PHLPP2: variants seen among roughly 807,000 people sequenced by gnomAD.
The protein encoded by PHLPP2 is PH domain and leucine rich repeat protein phosphatase 2.
A neutral mutation model predicts 124.9 loss-of-function variants in PHLPP2; 66 were observed. That is an observed-to-expected ratio of 0.53 (90% CI 0.43 to 0.65). The LOEUF (loss-of-function observed/expected upper bound fraction) is 0.65, where lower values mean the gene tolerates loss of function less well. Ranked by LOEUF, PHLPP2 falls within the 30% of genes least tolerant of loss-of-function variation. The pLI, the probability that PHLPP2 is intolerant of heterozygous loss-of-function variation, is 0.00. For missense variants in PHLPP2, 1,685 were observed against 1,600.4 expected (o/e 1.05, Z -0.90); for synonymous variants, 681 against 624.7 (o/e 1.09, Z -1.34).
At chr16:71,719,482 G>T (rs1367111371) in intron 1 of PHLPP2, among the ~76,000 whole-genome samples, 2 of 152,226 alleles carry the variant, frequency 1.3e-5, no homozygotes, top group Non-Finnish European at 2.9e-5. Context: ...GGAGACTGCA[G>T]TGAGCGGAGA....
intron 4 of PHLPP2, among the ~76,000 whole-genome samples, chr16:71,686,329 T>C (rs1186084418): frequency 6.6e-6 from 1 of 152,072 alleles, no homozygotes; most frequent in Admixed American, 6.6e-5. Flanking sequence ...TCTGCCATTG[T>C]TCCTGGCTAA....
intron 3 of PHLPP2, among the ~76,000 whole-genome samples, chr16:71,693,229 G>A (rs2045133280): frequency 6.6e-6 from 1 of 152,194 alleles, no homozygotes. Flanking sequence ...GGAGGTTGCA[G>A]TGAGCTGAGA....
At chr16:71,720,887 AAC>A (rs1555549772) in intron 1 of PHLPP2, among the ~76,000 whole-genome samples, 5 of 152,186 alleles carry the variant, frequency 3.3e-5, no homozygotes, top group Admixed American at 6.5e-5. Context: ...AAAAAAAAAA[AAC>A]AATGTGAAAT....
intron 3 of PHLPP2, among the ~76,000 whole-genome samples, chr16:71,693,278 C>G (rs889228050): frequency 1.1e-4 from 17 of 152,098 alleles, no homozygotes; most frequent in African/African-American, 4.1e-4. Context: ...CAAAGCGAGA[C>G]TCTGTCTCAC....
intron 1 of PHLPP2, chr16:71,715,674 A>G (rs918783953): frequency 2.0e-5 from 3 of 151,240 alleles, no homozygotes; most frequent in Non-Finnish European, 4.4e-5. Context: ...GCAAGACTCC[A>G]TCTCAAAAAA....
rs2044711171 is a variant in PHLPP2 at position 71,653,269 on chromosome 16, T to C, written c.2586-248A>G. 3.9e-5 allele frequency among the ~76,000 whole-genome samples: 6 copies of C among 152,172 alleles called. No homozygotes were observed. In the South Asian group the frequency reaches 1.2e-3, roughly 32 times the overall value. ...AATCTCCCTTTTGCATCTTTCTCCA[T>C]AGCTTTTGTGTCTGATCAAAGACTT... On this transcript the variant is annotated intron_variant, in intron 17 of 18. Coordinates refer to ENST00000568954, the MANE Select transcript of PHLPP2 (RefSeq NM_015020.3).
At chr16:71,698,453 C>T (rs2045196292) in intron 3 of PHLPP2, 1 of 745,998 alleles carries the variant, frequency 1.3e-6, no homozygotes, top group Non-Finnish European at 2.4e-6. Flanking sequence ...GTAACTTGGC[C>T]AATGTGAACC....
intron 3 of PHLPP2, among the ~76,000 whole-genome samples, chr16:71,694,508 A>T: frequency 6.6e-6 from 1 of 152,252 alleles, no homozygotes; most frequent in Admixed American, 6.5e-5. Flanking sequence ...ACTAAATAAA[A>T]ATTTTAAACT....
chr16:71,677,490 A>ATATATG (rs1322728982), intron 8 of PHLPP2: 3 of 120,648 alleles, frequency 2.5e-5, no homozygotes, highest in African/African-American at 9.1e-5. Flanking sequence ...ATATATATAT[A>ATATATG]TATGGAAGAG....
At chr16:71,722,054 T>C (rs1452616843) in intron 1 of PHLPP2, among the ~76,000 whole-genome samples, 3 of 152,188 alleles carry the variant, frequency 2.0e-5, no homozygotes, top group Non-Finnish European at 2.9e-5. Flanking sequence ...GAGTGGGAGA[T>C]GACTCTTCCC....
At position 71,714,668 on chromosome 16, in the gene PHLPP2, G is replaced by A. The variant is rs147330376; in HGVS notation, c.128C>T (p.Ala43Val). The change falls in exon 2 of 19, where the codon GCC becomes GTC. Residue 43 changes from alanine to valine, a missense_variant. Physicochemically the swap from Ala to Val is moderately conservative, Grantham distance 64 (BLOSUM62 0). Coordinates refer to ENST00000568954, the MANE Select transcript of PHLPP2 (RefSeq NM_015020.3). ...AGAGGAGGTGGTGGTGGTTGTAGTG[G>A]CAGTGGTAGTGTCTGCTCCATAAAG... ...VYLYGADTTT[A>V]TTTTTTSSSS... is the part of the protein sequence containing the mutation. The A allele has an allele frequency of 6.2e-7, 1 of 1,613,400 alleles. No individual in the cohort carries two copies. Among genetic ancestry groups the A allele is most frequent in the African/African-American group, 1.3e-5 (1 of 75,020 alleles).
At chr16:71,709,266 T>C (rs76788735) in intron 2 of PHLPP2, among the ~76,000 whole-genome samples, 16,437 of 152,062 alleles carry the variant, frequency 0.11, 1,039 homozygotes, top group Non-Finnish European at 0.14. Context: ...AATTTCAAAA[T>C]ATGGCAAACA....
At chr16:71,663,036 C>T (rs145290460) in intron 13 of PHLPP2, among the ~76,000 whole-genome samples, 1 of 152,270 alleles carries the variant, frequency 6.6e-6, no homozygotes, top group East Asian at 1.9e-4. Flanking sequence ...AGCCCCATCC[C>T]CAGGCTCTGT....
At position 71,645,732 on chromosome 16, in the gene PHLPP2, G is replaced by A. The variant is rs900099858; in HGVS notation, c.*3158C>T. 6.5e-6 allele frequency: 1 copy of A among 153,370 alleles called. No individual in the cohort carries two copies. The highest frequency in any genetic ancestry group is 1.9e-4 in the East Asian group (1 of 5,204). The allele number at this position is 153,370 out of a possible 1,614,324, so 9.5% of individuals were successfully genotyped here. On this transcript the variant is annotated 3_prime_UTR_variant, in exon 19 of 19. Coordinates refer to ENST00000568954, the MANE Select transcript of PHLPP2 (RefSeq NM_015020.3). ...CTCCTGCTGGCTCTTCCGTACACCAGTAAATGAACTCACCAATGTATTGCA... is the reference window on the plus strand; with the variant it reads ...CTCCTGCTGGCTCTTCCGTACACCAATAAATGAACTCACCAATGTATTGCA...
At chr16:71,677,682 T>C (rs2044960438) in intron 8 of PHLPP2, 1 of 151,332 alleles carries the variant, frequency 6.6e-6, no homozygotes, top group African/African-American at 2.4e-5. Flanking sequence ...AATGGCTTAC[T>C]GTAAATAACA....
At position 71,656,634 on chromosome 16, in the gene PHLPP2, T is replaced by A; in HGVS notation, c.2327A>T (p.Asp776Val). 1 of 1,613,914 alleles carries A rather than the reference T, an allele frequency of 6.2e-7. No homozygotes were observed. Among genetic ancestry groups the A allele is most frequent in the South Asian group, 1.1e-5 (1 of 91,078 alleles). ...KIDQKPLPTT[D>V]STVTSTFWSH... is the part of the protein sequence containing the mutation. ...CCAGAAGGTTGACGTAACTGTAGAA[T>A]CTGTGGTTGGCAAAGGTTTCTGATC... Residue 776 changes from aspartate to valine, a missense_variant, in exon 16 of 19, where the codon GAT becomes GTT. Asp to Val is a radical substitution (Grantham distance 152, BLOSUM62 -3). Transcript: ENST00000568954.
intron 9 of PHLPP2, among the ~76,000 whole-genome samples, chr16:71,675,389 G>A (rs72799898): frequency 1.2e-3 from 187 of 152,134 alleles, no homozygotes; most frequent in Non-Finnish European, 2.3e-3. Context: ...GAATGGCCTC[G>A]ACAAATATGA....
rs1389617651 is a variant in PHLPP2 at position 71,690,610 on chromosome 16, A to G, written c.518T>C (p.Leu173Pro). Residue 173 changes from leucine to proline, a missense_variant, in exon 4 of 19, where the codon CTA (leucine) becomes CCA (proline). Transcript: ENST00000568954. The stretch of plus-strand genomic sequence containing the variant: ...AAGGCAGGTACCACAGAGGACAACT[A>G]GGCGCTCAGCCCACTTATGCAGCTG... ...KTQLHKWAER[L>P]VVLCGTCLIV... The G allele has an allele frequency of 2.5e-6, 4 of 1,611,774 alleles. No homozygotes were observed. In the African/African-American group the frequency reaches 5.3e-5, roughly 21 times the overall value.
At chr16:71,722,320 G>A (rs2045403629) in intron 1 of PHLPP2, among the ~76,000 whole-genome samples, 1 of 152,090 alleles carries the variant, frequency 6.6e-6, no homozygotes, top group Non-Finnish European at 1.5e-5. Flanking sequence ...CGTGATCCTA[G>A]CTACTCAAGA....
Sources: allele counts gnomAD v4.1 joint callset (sites outside exome capture counted in the v4.1 genomes callset), GRCh38; gene constraint gnomAD v4.1.1; transcripts MANE v1.5; gene names NCBI Gene and HGNC (gene_info 2026-07-23, HGNC 2026-07-21).